Variants in ITGB5 observed in about 807,000 individuals in gnomAD.
ITGB5 encodes the protein integrin beta-5.
Under a neutral mutation model 84.8 loss-of-function variants are expected in ITGB5, and 38 were observed. The ratio of observed to expected loss-of-function variants is 0.45; its 90% CI spans 0.35 to 0.59. The LOEUF (loss-of-function observed/expected upper bound fraction) is 0.59, where lower values mean the gene tolerates loss of function less well. Among genes scored for constraint, ITGB5 ranks in the 20% least tolerant of loss-of-function variants. The pLI is 0.01. For missense variants in ITGB5, 905 were observed against 1,034.5 expected (o/e 0.87, Z 1.72); for synonymous variants, 393 against 414.4 (o/e 0.95, Z 0.63).
At chr3:124,849,418 T>C (rs1283286150) in intron 3 of ITGB5, among the ~76,000 whole-genome samples, 1 of 152,094 alleles carries the variant, frequency 6.6e-6, no homozygotes, top group Non-Finnish European at 1.5e-5. Context: ...TGGGCAAAAA[T>C]ATGCATGCTT....
intron 2 of ITGB5, among the ~76,000 whole-genome samples, chr3:124,861,495 T>TATACACAC (rs750712591): frequency 7.6e-4 from 85 of 112,010 alleles, no homozygotes; most frequent in African/African-American, 2.3e-3. Context: ...TATATATATA[T>TATACACAC]ACACACACAC....
intron 10 of ITGB5, among the ~76,000 whole-genome samples, chr3:124,781,892 C>A (rs1213384333): frequency 1.3e-5 from 2 of 152,210 alleles, no homozygotes; most frequent in African/African-American, 4.8e-5. Context: ...TGCAACCTCA[C>A]CCACCTACCT....
At chr3:124,772,240 G>A (rs1262905218) in intron 11 of ITGB5, among the ~76,000 whole-genome samples, 1 of 152,066 alleles carries the variant, frequency 6.6e-6, no homozygotes, top group Non-Finnish European at 1.5e-5. Flanking sequence ...AAGTGAATCT[G>A]TTTTTCTTCT....
intron 10 of ITGB5, 73 bp downstream of exon 10, chr3:124,796,315 G>A (rs1319736294): frequency 7.4e-7 from 1 of 1,346,216 alleles, no homozygotes; most frequent in Non-Finnish European, 1.0e-6. Flanking sequence ...TGAGTAAAAG[G>A]CAGGCTTTGG....
At chr3:124,828,687 G>A (rs979049449) in intron 5 of ITGB5, among the ~76,000 whole-genome samples, 3 of 152,154 alleles carry the variant, frequency 2.0e-5, no homozygotes, top group South Asian at 4.1e-4. Flanking sequence ...ATTATACTTC[G>A]ATGCTCAGGC....
At chr3:124,828,719 A>G (rs1478134465) in intron 5 of ITGB5, among the ~76,000 whole-genome samples, 1 of 152,220 alleles carries the variant, frequency 6.6e-6, no homozygotes, top group Non-Finnish European at 1.5e-5. Flanking sequence ...TCCTAGGCTC[A>G]AGCCATCGCA....
chr3:124,877,608 G>A (rs1934384972), intron 1 of ITGB5, among the ~76,000 whole-genome samples: 1 of 152,148 alleles, frequency 6.6e-6, no homozygotes, highest in African/African-American at 2.4e-5. Context: ...AGATGAAAAT[G>A]TAAGATAATG....
intron 2 of ITGB5, among the ~76,000 whole-genome samples, chr3:124,870,586 G>C (rs1231287276): frequency 6.6e-6 from 1 of 152,160 alleles, no homozygotes; most frequent in Non-Finnish European, 1.5e-5. Context: ...AACTAGCCGG[G>C]TGTGGTGCCA....
chr3:124,799,306 T>C (rs2064280835), intron 9 of ITGB5, among the ~76,000 whole-genome samples: 1 of 152,130 alleles, frequency 6.6e-6, no homozygotes, highest in African/African-American at 2.4e-5. Context: ...TTCCAGCCCT[T>C]TGGGAGGCTG....
At chr3:124,831,115 G>A (rs1056381226) in intron 5 of ITGB5, among the ~76,000 whole-genome samples, 5 of 152,186 alleles carry the variant, frequency 3.3e-5, no homozygotes, top group Admixed American at 6.5e-5. Context: ...CTTTTATAAT[G>A]ATATCTGAGG....
chr3:124,840,750 C>T (rs1174600050), intron 5 of ITGB5, among the ~76,000 whole-genome samples: 1 of 152,006 alleles, frequency 6.6e-6, no homozygotes, highest in Non-Finnish European at 1.5e-5. Context: ...CTGCAACCTC[C>T]GCCTCCTGGT....
At chr3:124,827,214 C>T (rs2064796019) in intron 5 of ITGB5, among the ~76,000 whole-genome samples, 4 of 152,184 alleles carry the variant, frequency 2.6e-5, no homozygotes, top group Admixed American at 2.6e-4. Flanking sequence ...TTGCTCTGTT[C>T]TAACTGTGGG....
intron 1 of ITGB5, among the ~76,000 whole-genome samples, chr3:124,873,872 AAAAAG>A (rs201372684): frequency 0.18 from 27,571 of 151,544 alleles, 2,607 homozygotes; most frequent in Admixed American, 0.21. Flanking sequence ...AAAATAGTAC[AAAAAG>A]AAAAGAAAAG....
At chr3:124,773,268 CTGTT>C (rs1350634703) in intron 11 of ITGB5, among the ~76,000 whole-genome samples, 2 of 152,252 alleles carry the variant, frequency 1.3e-5, no homozygotes, top group East Asian at 1.9e-4. Context: ...CTGTGAAACA[CTGTT>C]TGGGAGATAT....
intron 11 of ITGB5, chr3:124,770,115 GCTGTA>G (rs1378085956): frequency 6.6e-6 from 1 of 152,292 alleles, no homozygotes; most frequent in Non-Finnish European, 1.5e-5. Context: ...TGGCTGCCGG[GCTGTA>G]AAGCTGATGT....
chr3:124,790,709 G>C (rs77145011), intron 10 of ITGB5, among the ~76,000 whole-genome samples: 2,185 of 151,974 alleles, frequency 0.014, 34 homozygotes, highest in South Asian at 0.045. Context: ...GCTTCTTCTT[G>C]TTCTTTTTTT....
intron 11 of ITGB5, among the ~76,000 whole-genome samples, chr3:124,772,205 T>A (rs544994775): frequency 3.9e-5 from 6 of 152,272 alleles, no homozygotes; most frequent in Non-Finnish European, 8.8e-5. Context: ...TTGGATCTGT[T>A]TTTTCTCTGC....
intron 4 of ITGB5, among the ~76,000 whole-genome samples, chr3:124,846,425 C>CA (rs1190656208): frequency 0.029 from 2,020 of 69,444 alleles, 48 homozygotes; most frequent in East Asian, 0.14. Flanking sequence ...GTTGCACAAG[C>CA]AAAAAAAAAA....
chr3:124,892,527 TAAAAAAAAAAAA>T (rs34284622), upstream of ITGB5, among the ~76,000 whole-genome samples: 4 of 106,252 alleles, frequency 3.8e-5, no homozygotes, highest in South Asian at 1.4e-3. Context: ...CCATCTCTAT[TAAAAAAAAAAAA>T]AAAAAAAAAA....
Sources: allele counts gnomAD v4.1 joint callset (sites outside exome capture counted in the v4.1 genomes callset), GRCh38; gene constraint gnomAD v4.1.1; transcripts MANE v1.5; gene names NCBI Gene and HGNC (gene_info 2026-07-23, HGNC 2026-07-21).